The following STPG2 variants were observed in gnomAD, a reference collection of about 807,000 sequenced individuals.
STPG2 encodes the protein sperm tail PG-rich repeat containing 2.
STPG2 carries 56 observed loss-of-function variants against 54.2 expected under a neutral mutation model. The ratio of observed to expected loss-of-function variants is 1.03; its 90% confidence interval spans 0.83 to 1.29. The LOEUF (loss-of-function observed/expected upper bound fraction) is 1.29, where lower values mean the gene tolerates loss of function less well. Ranked by LOEUF, STPG2 falls within the 50% of genes most tolerant of loss-of-function variation. The pLI, the probability that STPG2 is intolerant of heterozygous loss-of-function variation, is 0.00. For synonymous variants in STPG2, 200 were observed against 181.8 expected (o/e 1.10, Z -0.81); for missense variants, 596 against 544.9 (o/e 1.09, Z -0.93).
intron 9 of STPG2, among the ~76,000 whole-genome samples, chr4:97,797,992 T>A (rs1331310165): frequency 1.3e-5 from 2 of 152,210 alleles, no homozygotes; most frequent in East Asian, 3.8e-4. Context: ...TTTATAGTAT[T>A]CTCTGATGGT....
chr4:97,592,327 T>C (rs1183686873), intron 10 of STPG2, among the ~76,000 whole-genome samples: 1 of 152,154 alleles, frequency 6.6e-6, no homozygotes, highest in Non-Finnish European at 1.5e-5. Flanking sequence ...ATTACAGTTG[T>C]TTATGTATTA....
At chr4:97,898,596 C>T (rs1330585107) in intron 8 of STPG2, among the ~76,000 whole-genome samples, 1 of 151,454 alleles carries the variant, frequency 6.6e-6, no homozygotes, top group Non-Finnish European at 1.5e-5. Context: ...TTCACAGTAC[C>T]CTCAGTAACC....
At chr4:97,604,785 T>C (rs971987189) in intron 10 of STPG2, among the ~76,000 whole-genome samples, 4 of 151,804 alleles carry the variant, frequency 2.6e-5, no homozygotes, top group Non-Finnish European at 5.9e-5. Flanking sequence ...TGATTTATCT[T>C]ACATTCTAAA....
intron 8 of STPG2, among the ~76,000 whole-genome samples, chr4:97,847,651 T>G (rs1340577026): frequency 6.6e-6 from 1 of 152,212 alleles, no homozygotes; most frequent in Non-Finnish European, 1.5e-5. Context: ...CAGTCATATT[T>G]GAATCACAAA....
intron 9 of STPG2, among the ~76,000 whole-genome samples, chr4:97,801,654 CTT>C (rs1478535168): frequency 6.6e-6 from 1 of 152,058 alleles, no homozygotes; most frequent in South Asian, 2.1e-4. Flanking sequence ...AAAAATGTCT[CTT>C]TTTTTCTTTC....
intron 8 of STPG2, among the ~76,000 whole-genome samples, chr4:97,913,125 TCAA>T (rs1398574606): frequency 2.0e-5 from 3 of 152,196 alleles, no homozygotes; most frequent in African/African-American, 7.2e-5. Flanking sequence ...AATATAAGCT[TCAA>T]GGAAAATTCA....
chr4:97,982,778 T>A (rs1734721654), intron 5 of STPG2, among the ~76,000 whole-genome samples: 1 of 152,206 alleles, frequency 6.6e-6, no homozygotes, highest in African/African-American at 2.4e-5. Flanking sequence ...CTTACTTACT[T>A]GAGGCTTACC....
intron 9 of STPG2, among the ~76,000 whole-genome samples, chr4:97,727,705 C>T (rs1379493905): frequency 7.0e-6 from 1 of 143,878 alleles, no homozygotes; most frequent in African/African-American, 2.5e-5. Context: ...ATTTCCAACA[C>T]GTATGATCAT....
At chr4:97,847,034 TAAG>T (rs1262598663) in intron 8 of STPG2, among the ~76,000 whole-genome samples, 1 of 152,170 alleles carries the variant, frequency 6.6e-6, no homozygotes, top group Non-Finnish European at 1.5e-5. Flanking sequence ...TGAAGTGACT[TAAG>T]AAGACTTCAA....
chr4:97,639,320 A>T (rs1486097704), intron 10 of STPG2, among the ~76,000 whole-genome samples: 1 of 151,678 alleles, frequency 6.6e-6, no homozygotes, highest in African/African-American at 2.4e-5. Context: ...CAGGAAGGGG[A>T]ACATCACACT....
At chr4:97,880,113 C>G (rs888310271) in intron 8 of STPG2, among the ~76,000 whole-genome samples, 1 of 152,114 alleles carries the variant, frequency 6.6e-6, no homozygotes, top group South Asian at 2.1e-4. Context: ...CAATACCGTA[C>G]AGCCTTCTAA....
chr4:98,110,738 T>C (rs1031935448), intron 3 of STPG2, among the ~76,000 whole-genome samples: 1 of 152,110 alleles, frequency 6.6e-6, no homozygotes, highest in Non-Finnish European at 1.5e-5. Flanking sequence ...TGCCCCTCGA[T>C]TGAATTCTCT....
At chr4:97,859,397 A>T (rs1301197005) in intron 8 of STPG2, among the ~76,000 whole-genome samples, 2 of 151,108 alleles carry the variant, frequency 1.3e-5, no homozygotes, top group Admixed American at 6.6e-5. Context: ...CTGTGTATAA[A>T]TTTTTAGTTT....
intron 9 of STPG2, among the ~76,000 whole-genome samples, chr4:97,736,012 G>C (rs548740893): frequency 9.2e-5 from 14 of 152,282 alleles, no homozygotes; most frequent in Admixed American, 2.0e-4. Flanking sequence ...ACACTTGTTA[G>C]GATGGCAAAT....
At chr4:97,795,922 GT>G (rs1340378857) in intron 9 of STPG2, among the ~76,000 whole-genome samples, 5 of 152,150 alleles carry the variant, frequency 3.3e-5, no homozygotes, top group African/African-American at 1.2e-4. Context: ...TCTCATTGTG[GT>G]TTTGATTTGC....
In STPG2 at chr4:97,662,579, T is replaced by A. The variant is rs564690470; in HGVS notation, c.1320+50120A>T. On this transcript the variant is annotated intron_variant, in intron 10 of 10. Coordinates refer to ENST00000295268, the MANE Select transcript of STPG2 (RefSeq NM_174952.3). ...TGTACCCGTATGTTCACTGCGATGCTATTCACAATAGCAAAGACATGGAAT... is the reference window on the plus strand; with the variant it reads ...TGTACCCGTATGTTCACTGCGATGCAATTCACAATAGCAAAGACATGGAAT... 2.0e-5 allele frequency among the ~76,000 whole-genome samples: 3 copies of A among 152,340 alleles called. No individual in the cohort carries two copies. The South Asian group carries it at 6.2e-4, about 32-fold the overall frequency.
chr4:97,579,444 TA>T (rs1256332982), intron 10 of STPG2, among the ~76,000 whole-genome samples: 1 of 152,046 alleles, frequency 6.6e-6, no homozygotes, highest in African/African-American at 2.4e-5. Context: ...TTGGAGTGAA[TA>T]AAATACTTAT....
At position 97,517,407 on chromosome 4, in the gene STPG2, C is replaced by T. The variant is rs559727394; in HGVS notation, c.462+195292G>A. ...ACATTAATTCAGGAAGCTACAATGACAAACATGAAGGAAATGGCTCCTGAT... is the reference window on the plus strand; with the variant it reads ...ACATTAATTCAGGAAGCTACAATGATAAACATGAAGGAAATGGCTCCTGAT... On this transcript the variant is annotated intron_variant, in intron 4 of 4. Transcript: ENST00000522676. 5.3e-5 allele frequency among the ~76,000 whole-genome samples: 8 copies of T among 152,144 alleles called. No homozygotes were observed. The East Asian group carries it at 1.4e-3, about 26-fold the overall frequency.
intron 10 of STPG2, among the ~76,000 whole-genome samples, chr4:97,629,912 A>G (rs1206535322): frequency 3.3e-5 from 5 of 151,972 alleles, no homozygotes; most frequent in African/African-American, 7.2e-5. Flanking sequence ...GGAAAGCTCC[A>G]TGTGAAACTG....
Sources: gnomAD v4.1 joint callset for allele counts (sites outside exome capture counted in the v4.1 genomes callset) on GRCh38, gnomAD v4.1.1 for gene constraint, MANE v1.5 for transcripts, NCBI Gene and HGNC (gene_info 2026-07-23, HGNC 2026-07-21) for gene names.